The following MSI2 variants were observed in gnomAD, a reference collection of about 807,000 sequenced individuals.
MSI2 encodes the protein RNA-binding protein Musashi homolog 2.
Under a neutral mutation model 45.6 loss-of-function variants are expected in MSI2, and 17 were observed. The observed-to-expected ratio is 0.37, with a 90% confidence interval of 0.26 to 0.56. The LOEUF (loss-of-function observed/expected upper bound fraction) is 0.56, where lower values mean the gene tolerates loss of function less well. Ranked by LOEUF, MSI2 falls within the 20% of genes least tolerant of loss-of-function variation. The pLI, the probability that MSI2 is intolerant of heterozygous loss-of-function variation, is 0.77. For synonymous variants in MSI2, 156 were observed against 158.2 expected, an observed-to-expected ratio of 0.99 and a Z score of 0.11; for missense variants, 293 against 444.2, an observed-to-expected ratio of 0.66 and a Z score of 3.06.
At chr17:57,443,406 C>T (rs1234168144) in intron 6 of MSI2, among the ~76,000 whole-genome samples, 5 of 152,268 alleles carry the variant, frequency 3.3e-5, no homozygotes, top group East Asian at 1.9e-4. Context: ...CACGTGGCAC[C>T]GGCAGGAACT....
intron 5 of MSI2, among the ~76,000 whole-genome samples, 193 bp from the exon 6 acceptor site, chr17:57,401,186 T>C (rs2083982926): frequency 6.6e-6 from 1 of 152,224 alleles, no homozygotes; most frequent in South Asian, 2.1e-4. Context: ...TAGGTTGCCA[T>C]CTGAATGCCT....
intron 5 of MSI2, among the ~76,000 whole-genome samples, chr17:57,288,520 A>C (rs1381370384): frequency 1.3e-5 from 2 of 152,120 alleles, no homozygotes; most frequent in African/African-American, 4.8e-5. Flanking sequence ...CTGGGTCATC[A>C]TCCTTTTCTC....
In MSI2 at chr17:57,346,350, G is replaced by C. The variant is rs201731714; in HGVS notation, c.313-55029G>C. Among the ~76,000 whole-genome samples the C allele has an allele frequency of 8.8e-4, 80 of 90,896 alleles. 1 individual carries two copies. Among genetic ancestry groups the C allele is most frequent in the African/African-American group, 2.4e-3 (72 of 30,388 alleles). 59.6% of individuals were successfully genotyped at this position (90,896 alleles called of 152,430 possible). On this transcript the variant is annotated intron_variant, in intron 5 of 13. Coordinates refer to ENST00000284073, the MANE Select transcript of MSI2 (RefSeq NM_138962.4). ...TGAGACATGTAAATAACACATTTTG[G>C]GGGGGGGGGTCTGATTTTTTTCTTA...
intron 5 of MSI2, among the ~76,000 whole-genome samples, chr17:57,344,113 C>G (rs1159394991): frequency 6.6e-6 from 1 of 152,232 alleles, no homozygotes; most frequent in Non-Finnish European, 1.5e-5. Flanking sequence ...AGCTAGCATT[C>G]ACTGATGATT....
In MSI2 at chr17:57,679,830, A is replaced by G. The variant is rs1913493623; in HGVS notation, c.*313A>G. ...CCCTCTCTTCCCATTCTCCTTTTAA[A>G]TCTCTTTGAATCACATTTGGTAGTG... On this transcript the variant is annotated 3_prime_UTR_variant, in exon 14 of 14. Transcript: ENST00000284073. 1 of 232,944 alleles carries G rather than the reference A, an allele frequency of 4.3e-6. No individual in the cohort carries two copies. The highest frequency in any genetic ancestry group is 1.8e-4 in the South Asian group (1 of 5,508). The allele number at this position is 232,944 out of a possible 1,614,324, so 14.4% of individuals were successfully genotyped here.
At chr17:57,602,872 C>G (rs188385641) in intron 8 of MSI2, among the ~76,000 whole-genome samples, 1 of 152,188 alleles carries the variant, frequency 6.6e-6, no homozygotes, top group African/African-American at 2.4e-5. Flanking sequence ...CACCCTAGAC[C>G]TACAGAGTCA....
chr17:57,557,833 T>C (rs2087473921), intron 7 of MSI2, among the ~76,000 whole-genome samples: 1 of 152,212 alleles, frequency 6.6e-6, no homozygotes, highest in African/African-American at 2.4e-5. Context: ...CAGAACTGTT[T>C]TCTTGGGCGC....
rs577541964 is a variant in MSI2 at position 57,548,485 on chromosome 17, G to C, written c.454+18761G>C. 6.8e-4 allele frequency among the ~76,000 whole-genome samples: 104 copies of C among 152,114 alleles called. 1 individual carries two copies. Among genetic ancestry groups the C allele is most frequent in the Non-Finnish European group, 6.5e-4 (44 of 68,030 alleles). On this transcript the variant is annotated intron_variant, in intron 7 of 13. Coordinates refer to ENST00000284073, the MANE Select transcript of MSI2 (RefSeq NM_138962.4). ...AATTAATAGGCTTGAAGTCATTTCCGATGTGTCAGGATTTCTGCCTTGCTT... is the reference window on the plus strand; with the variant it reads ...AATTAATAGGCTTGAAGTCATTTCCCATGTGTCAGGATTTCTGCCTTGCTT...
At chr17:57,449,655 G>A (rs896550214) in intron 6 of MSI2, 2 of 152,210 alleles carry the variant, frequency 1.3e-5, no homozygotes, top group East Asian at 3.8e-4. Context: ...GTGTTTTAGA[G>A]TAGACACGTC....
intron 6 of MSI2, among the ~76,000 whole-genome samples, chr17:57,513,605 A>G (rs4793859): frequency 0.43 from 65,436 of 152,118 alleles, 14,055 homozygotes; most frequent in South Asian, 0.51. Context: ...ACAGGACTAT[A>G]TGCCCATGAC....
intron 7 of MSI2, among the ~76,000 whole-genome samples, chr17:57,562,469 C>T (rs140417141): frequency 3.9e-5 from 6 of 152,342 alleles, no homozygotes; most frequent in South Asian, 2.1e-4. Flanking sequence ...CTCTCCTAGG[C>T]GACTGGAAGT....
rs1320199180 is a variant in MSI2 at position 57,627,129 on chromosome 17, A to G, written c.653-100A>G. On this transcript the variant is annotated intron_variant, in intron 9 of 13. Coordinates refer to ENST00000284073, the MANE Select transcript of MSI2 (RefSeq NM_138962.4). The surrounding 1 kb of genome is among the most constrained non-coding windows in gnomAD (Gnocchi z 4.6). ...AGAGACAAATTATTCTGTGAAGGAA[A>G]ATAACTCAGGCTTTCCTCATTGCCA... The G allele has an allele frequency of 9.3e-7, 1 of 1,079,628 alleles. No individual in the cohort carries two copies. The highest frequency in any genetic ancestry group is 1.4e-6 in the Non-Finnish European group (1 of 697,936). The allele number at this position is 1,079,628 out of a possible 1,614,324, so 66.9% of individuals were successfully genotyped here.
At chr17:57,451,475 C>G (rs1353065167) in intron 6 of MSI2, among the ~76,000 whole-genome samples, 2 of 152,218 alleles carry the variant, frequency 1.3e-5, no homozygotes, top group Non-Finnish European at 2.9e-5. Context: ...CGTGGGCTCC[C>G]AGCTGTCCTG....
At chr17:57,542,247 T>G (rs1338133488) in intron 7 of MSI2, among the ~76,000 whole-genome samples, 1 of 152,198 alleles carries the variant, frequency 6.6e-6, no homozygotes, top group Non-Finnish European at 1.5e-5. Flanking sequence ...TAAATGTGTT[T>G]CAACACTGTT....
In MSI2 at chr17:57,681,886, AT is replaced by A. The variant is rs1913623791; in HGVS notation, c.*2371del. 4.9e-6 allele frequency: 1 copy of A among 203,902 alleles called. No homozygotes were observed. Among genetic ancestry groups the A allele is most frequent in the Non-Finnish European group, 1.0e-5 (1 of 99,858 alleles). The allele number at this position is 203,902 out of a possible 1,614,324, so 12.6% of individuals were successfully genotyped here. A position where few individuals can be genotyped will look rare whatever the true frequency, so the allele number is the denominator to read the frequency against. The stretch of plus-strand genomic sequence containing the variant: ...TTCAGTGTTTAGACGAGGGAATTTA[AT>A]TCCTATTTTGTCCATGTTGGTGATG... On this transcript the variant is annotated 3_prime_UTR_variant, in exon 14 of 14. Transcript: ENST00000284073.
rs866371430 is a variant in MSI2, at chr17:57,462,616, G to A, written c.405+61145G>A. On this transcript the variant is annotated intron_variant, in intron 6 of 13. Coordinates refer to ENST00000284073, the MANE Select transcript of MSI2 (RefSeq NM_138962.4). ...CATACTTGGAGAATTTCCTTCTATC[G>A]ATCAAAAAATATTCCAGCACAGAGC... Among the ~76,000 whole-genome samples the A allele has an allele frequency of 1.1e-4, 17 of 152,262 alleles. No individual in the cohort carries two copies. The South Asian group carries it at 2.3e-3, about 20-fold the overall frequency.
chr17:57,424,550 G>A (rs1224644658), intron 6 of MSI2, among the ~76,000 whole-genome samples: 3 of 152,212 alleles, frequency 2.0e-5, no homozygotes, highest in Non-Finnish European at 4.4e-5. Context: ...GGAAAACAGA[G>A]CTGCTGCCTG....
At chr17:57,491,462 A>G (rs1002530801) in intron 6 of MSI2, among the ~76,000 whole-genome samples, 2 of 152,234 alleles carry the variant, frequency 1.3e-5, no homozygotes. Context: ...GGGCAGAGGC[A>G]GCCAGCCTGG....
chr17:57,571,592 C>T (rs972536837), intron 7 of MSI2, among the ~76,000 whole-genome samples: 3 of 152,198 alleles, frequency 2.0e-5, no homozygotes, highest in African/African-American at 7.2e-5. Flanking sequence ...CGACAAGGGT[C>T]ACCTAGTCTA....
Sources: allele counts gnomAD v4.1 joint callset (sites outside exome capture counted in the v4.1 genomes callset), GRCh38; gene constraint gnomAD v4.1.1; non-coding constraint Gnocchi (gnomAD v3.1); transcripts MANE v1.5; gene names NCBI Gene and HGNC (gene_info 2026-07-23, HGNC 2026-07-21).